Variants in RBFOX1 observed in about 807,000 individuals in gnomAD.
RBFOX1 encodes RNA binding fox-1 homolog 1, also known as RNA binding protein fox-1 homolog 1.
Under a neutral mutation model 57.7 loss-of-function variants are expected in RBFOX1, and 8 were observed. The ratio of observed to expected loss-of-function variants is 0.14; its 90% confidence interval spans 0.08 to 0.25. RBFOX1 has a LOEUF of 0.25. RBFOX1 is among the 10% of genes least tolerant of loss of function. The pLI is 1.00. For missense variants in RBFOX1, 611 were observed against 548.5 expected, an observed-to-expected ratio of 1.11 and a Z score of -1.14; for synonymous variants, 326 against 222.4, an observed-to-expected ratio of 1.47 and a Z score of -4.15.
intron 3 of RBFOX1, among the ~76,000 whole-genome samples, chr16:5,774,732 G>C (rs963234933): frequency 3.3e-5 from 5 of 152,142 alleles, no homozygotes; most frequent in Admixed American, 1.3e-4. Context: ...GCCCAGACTA[G>C]AGTGCAGTGG....
intron 3 of RBFOX1, among the ~76,000 whole-genome samples, chr16:6,834,607 G>T (rs1161604478): frequency 2.0e-5 from 3 of 152,132 alleles, no homozygotes; most frequent in Non-Finnish European, 2.9e-5. Context: ...GAAGGTGTTT[G>T]TTTGGGATGA....
chr16:5,623,235 G>A (rs2048251808), intron 3 of RBFOX1, among the ~76,000 whole-genome samples: 1 of 152,088 alleles, frequency 6.6e-6, no homozygotes, highest in African/African-American at 2.4e-5. Context: ...ACATCTTATG[G>A]GGTGACTGTT....
chr16:7,630,712 T>C, intron 11 of RBFOX1, 29 bp downstream of exon 11: 1 of 1,613,580 alleles, frequency 6.2e-7, no homozygotes, highest in Non-Finnish European at 8.5e-7. Context: ...CTCTTTTTGT[T>C]TTGTGACATA....
At chr16:5,671,625 C>G (rs992690144) in intron 3 of RBFOX1, among the ~76,000 whole-genome samples, 2 of 152,148 alleles carry the variant, frequency 1.3e-5, no homozygotes, top group Non-Finnish European at 2.9e-5. Context: ...ACAAGCTGTT[C>G]TTCGTTTCCT....
chr16:7,094,895 A>G (rs1021284797), intron 4 of RBFOX1, among the ~76,000 whole-genome samples: 1 of 152,066 alleles, frequency 6.6e-6, no homozygotes, highest in African/African-American at 2.4e-5. Flanking sequence ...CTTTAATCAC[A>G]CAGACTTTTG....
intron 2 of RBFOX1, among the ~76,000 whole-genome samples, chr16:6,328,780 A>T (rs554503954): frequency 6.4e-4 from 97 of 152,282 alleles, no homozygotes; most frequent in Middle Eastern, 3.4e-3. Context: ...TAAACCTTTT[A>T]CTATAGAGAA....
At position 7,683,010 on chromosome 16, in the gene RBFOX1, G is replaced by GTGTATATATA; in HGVS notation, c.995+6173_995+6174insGTATATATAT. ...TTAATACTTCTATGTGTGTGTGTGT[G>GTGTATATATA]TATATATATATATATATATATATAA... is the stretch of plus-strand genomic sequence containing the variant. On this transcript the variant is annotated intron_variant, in intron 14 of 15. Transcript: ENST00000550418. Among the ~76,000 whole-genome samples the GTGTATATATA allele has an allele frequency of 4.1e-4, 2 of 4,902 alleles. 1 individual carries two copies. The highest frequency in any genetic ancestry group is 8.4e-4 in the African/African-American group (2 of 2,386). The allele number at this position is 4,902 out of a possible 152,430, so 3.2% of individuals were successfully genotyped here.
At chr16:6,454,300 C>T (rs998304261) in intron 2 of RBFOX1, among the ~76,000 whole-genome samples, 2 of 152,112 alleles carry the variant, frequency 1.3e-5, no homozygotes, top group Non-Finnish European at 2.9e-5. Flanking sequence ...CTCATTCCTG[C>T]AACTGTAGCA....
intron 3 of RBFOX1, among the ~76,000 whole-genome samples, chr16:5,776,492 C>G (rs2054154595): frequency 6.6e-6 from 1 of 152,158 alleles, no homozygotes; most frequent in East Asian, 1.9e-4. Context: ...GTCTTCCAGT[C>G]TAAAAGGGAA....
rs116001591 is a variant in RBFOX1, at chr16:6,921,335, G to T, written c.-15-130722G>T. On this transcript the variant is annotated intron_variant, in intron 3 of 15. Transcript: ENST00000550418. Reference sequence around the variant, plus strand: ...GCTCTCACATGACTCCAGTGAACCTGTCAGGTGGGTTGTGTTCACATTTGG... The same window carrying T: ...GCTCTCACATGACTCCAGTGAACCTTTCAGGTGGGTTGTGTTCACATTTGG... Among the ~76,000 whole-genome samples the T allele has an allele frequency of 4.4e-3, 667 of 152,262 alleles. 6 individuals carry two copies. The highest frequency in any genetic ancestry group is 0.015 in the African/African-American group (629 of 41,552).
intron 1 of RBFOX1, among the ~76,000 whole-genome samples, chr16:5,285,635 C>T (rs1169726559): frequency 6.6e-6 from 1 of 152,176 alleles, no homozygotes; most frequent in Non-Finnish European, 1.5e-5. Context: ...ATAGCTGTAT[C>T]TACAATGTTC....
chr16:7,220,532 C>T (rs913326594), intron 4 of RBFOX1, among the ~76,000 whole-genome samples: 2 of 152,118 alleles, frequency 1.3e-5, no homozygotes, highest in Non-Finnish European at 2.9e-5. Flanking sequence ...CCTTATGTGC[C>T]CACTTTGGAT....
chr16:5,692,203 G>C (rs796217547), intron 3 of RBFOX1, among the ~76,000 whole-genome samples: 1 of 135,410 alleles, frequency 7.4e-6, no homozygotes, highest in African/African-American at 2.9e-5. Flanking sequence ...GTGTGTGTGT[G>C]TGTGTGTGTG....
chr16:7,199,325 G>GA (rs1194794080), intron 4 of RBFOX1, among the ~76,000 whole-genome samples: 1 of 122,886 alleles, frequency 8.1e-6, no homozygotes, highest in African/African-American at 3.0e-5. Context: ...AGTGTTTAAA[G>GA]GGTTTTTTTT....
At chr16:5,898,765 A>G (rs2058229552) in intron 4 of RBFOX1, among the ~76,000 whole-genome samples, 1 of 152,006 alleles carries the variant, frequency 6.6e-6, no homozygotes. Context: ...ATTCATATAA[A>G]AAAATAGCTA....
intron 3 of RBFOX1, among the ~76,000 whole-genome samples, chr16:6,924,750 A>G (rs12920814): frequency 0.69 from 104,222 of 149,984 alleles, 36,273 homozygotes; most frequent in Non-Finnish European, 0.71. Flanking sequence ...TTACATATTT[A>G]TACATGTGCC....
At chr16:7,446,388 C>T (rs1190569166) in intron 4 of RBFOX1, among the ~76,000 whole-genome samples, 1 of 152,156 alleles carries the variant, frequency 6.6e-6, no homozygotes, top group Non-Finnish European at 1.5e-5. Context: ...AGAAGTAGAA[C>T]AAGGAGGCCA....
intron 2 of RBFOX1, among the ~76,000 whole-genome samples, chr16:5,501,318 C>CAAA (rs1160788118): frequency 0.17 from 10,578 of 62,116 alleles, 1,178 homozygotes; most frequent in African/African-American, 0.24. Flanking sequence ...ACTCTGTCTA[C>CAAA]AAAAAAAAAA....
chr16:5,765,160 C>T (rs2053732408), intron 3 of RBFOX1, among the ~76,000 whole-genome samples: 1 of 152,150 alleles, frequency 6.6e-6, no homozygotes. Flanking sequence ...CTCTTTCCAG[C>T]CTAGCTTAAG....
Sources: gnomAD v4.1 joint callset for allele counts (sites outside exome capture counted in the v4.1 genomes callset) on GRCh38, gnomAD v4.1.1 for gene constraint, MANE v1.5 for transcripts, NCBI Gene and HGNC (gene_info 2026-07-23, HGNC 2026-07-21) for gene names.